Variants in NKAIN3 observed in about 807,000 individuals in gnomAD.
NKAIN3 encodes sodium/potassium transporting ATPase interacting 3, also known as sodium/potassium-transporting ATPase subunit beta-1-interacting protein 3.
Under a neutral mutation model 30.2 loss-of-function variants are expected in NKAIN3, and 25 were observed. The ratio of observed to expected loss-of-function variants is 0.83; its 90% CI spans 0.60 to 1.16. The LOEUF (loss-of-function observed/expected upper bound fraction) is 1.16. Among genes scored for constraint, NKAIN3 ranks in the 50% most tolerant of loss-of-function variants. NKAIN3 has a pLI of 0.00. For missense variants in NKAIN3, 225 were observed against 254.1 expected, an observed-to-expected ratio of 0.89 and a Z score of 0.78; for synonymous variants, 91 against 89.6, an observed-to-expected ratio of 1.02 and a Z score of -0.09.
intron 4 of NKAIN3, among the ~76,000 whole-genome samples, chr8:62,822,317 A>C (rs1383153): frequency 0.83 from 125,740 of 152,076 alleles, 52,518 homozygotes; most frequent in Non-Finnish European, 0.89. Context: ...AAATACAAAA[A>C]TTGAAAGCAG....
intron 1 of NKAIN3, among the ~76,000 whole-genome samples, chr8:62,287,418 T>A (rs1686766510): frequency 6.6e-6 from 1 of 152,026 alleles, no homozygotes; most frequent in African/African-American, 2.4e-5. Flanking sequence ...AACACAACAA[T>A]CTCTGAGCTT....
intron 1 of NKAIN3, among the ~76,000 whole-genome samples, chr8:62,295,871 A>G (rs1813811094): frequency 6.6e-6 from 1 of 152,208 alleles, no homozygotes; most frequent in South Asian, 2.1e-4. Flanking sequence ...TGTGCTGGGG[A>G]TATAGCAATG....
intron 3 of NKAIN3, among the ~76,000 whole-genome samples, chr8:62,668,701 T>C (rs1450831644): frequency 6.6e-6 from 1 of 152,206 alleles, no homozygotes; most frequent in East Asian, 1.9e-4. Context: ...CTGTGAAAGG[T>C]GAAGGAAAGA....
intron 4 of NKAIN3, among the ~76,000 whole-genome samples, chr8:62,783,410 C>A (rs1453862331): frequency 4.6e-5 from 7 of 152,080 alleles, no homozygotes; most frequent in Non-Finnish European, 8.8e-5. Context: ...ACTTTCCAGA[C>A]TCCAGAGCTG....
At chr8:62,290,955 G>T (rs912418538) in intron 1 of NKAIN3, among the ~76,000 whole-genome samples, 1 of 152,080 alleles carries the variant, frequency 6.6e-6, no homozygotes, top group African/African-American at 2.4e-5. Context: ...CTTCTTCCTG[G>T]TTTAGTCTTC....
At chr8:62,838,939 C>G (rs1165071303) in intron 4 of NKAIN3, among the ~76,000 whole-genome samples, 1 of 151,974 alleles carries the variant, frequency 6.6e-6, no homozygotes. Context: ...TAATACACAC[C>G]AGCGTCATCT....
intron 1 of NKAIN3, among the ~76,000 whole-genome samples, chr8:62,318,013 C>T (rs1351298902): frequency 6.6e-6 from 1 of 152,076 alleles, no homozygotes; most frequent in East Asian, 1.9e-4. Flanking sequence ...AGTTGGATTC[C>T]TAGGTATTTT....
chr8:62,850,790 T>G (rs62510774), intron 4 of NKAIN3, among the ~76,000 whole-genome samples: 1 of 151,970 alleles, frequency 6.6e-6, no homozygotes, highest in Admixed American at 6.6e-5. Context: ...ATTTCTGAGG[T>G]GTCTGTTCTG....
intron 1 of NKAIN3, among the ~76,000 whole-genome samples, chr8:62,449,688 GT>G (rs1186158732): frequency 6.6e-6 from 1 of 152,054 alleles, no homozygotes; most frequent in Non-Finnish European, 1.5e-5. Context: ...TAAAAGGTAT[GT>G]TTATGATTTA....
intron 1 of NKAIN3, among the ~76,000 whole-genome samples, chr8:62,556,484 C>CATAATA (rs1426350365): frequency 6.6e-6 from 1 of 151,538 alleles, no homozygotes; most frequent in Non-Finnish European, 1.5e-5. Context: ...TATATCACAA[C>CATAATA]TCAATAAATG....
chr8:62,523,003 C>T (rs1808202257), intron 1 of NKAIN3, among the ~76,000 whole-genome samples: 1 of 152,042 alleles, frequency 6.6e-6, no homozygotes, highest in Admixed American at 6.6e-5. Context: ...ATGTACTAGG[C>T]CTTCACATTC....
intron 4 of NKAIN3, among the ~76,000 whole-genome samples, chr8:62,844,311 G>A (rs922870445): frequency 3.3e-5 from 5 of 152,004 alleles, no homozygotes; most frequent in African/African-American, 7.2e-5. Context: ...AGGTTAAACC[G>A]GATAAAAAGT....
At chr8:62,375,567 G>A (rs1402961632) in intron 1 of NKAIN3, among the ~76,000 whole-genome samples, 1 of 152,078 alleles carries the variant, frequency 6.6e-6, no homozygotes, top group African/African-American at 2.4e-5. Flanking sequence ...TGATTCATAA[G>A]CGTAAATACT....
At chr8:62,936,376 G>A (rs1454156971) in intron 5 of NKAIN3, among the ~76,000 whole-genome samples, 2 of 152,064 alleles carry the variant, frequency 1.3e-5, no homozygotes, top group African/African-American at 4.8e-5. Flanking sequence ...TTAGCTGTCA[G>A]CACTCCGCAT....
intron 1 of NKAIN3, among the ~76,000 whole-genome samples, chr8:62,360,198 C>T (rs550950855): frequency 3.3e-5 from 5 of 152,330 alleles, no homozygotes; most frequent in Admixed American, 1.3e-4. Context: ...ATCCCTGGTT[C>T]TTCCTGTGAC....
intron 4 of NKAIN3, among the ~76,000 whole-genome samples, chr8:62,887,275 A>G (rs1311722368): frequency 2.0e-5 from 3 of 150,636 alleles, no homozygotes; most frequent in Non-Finnish European, 4.4e-5. Flanking sequence ...TTTTTTCCTT[A>G]TCTTTGATTT....
At chr8:62,434,510 T>C (rs1446613444) in intron 1 of NKAIN3, among the ~76,000 whole-genome samples, 1 of 152,124 alleles carries the variant, frequency 6.6e-6, no homozygotes, top group Non-Finnish European at 1.5e-5. Context: ...TTAAGATAAA[T>C]CAGGGTGTAA....
chr8:62,833,192 G>C (rs1819250984), intron 4 of NKAIN3, among the ~76,000 whole-genome samples: 1 of 152,072 alleles, frequency 6.6e-6, no homozygotes. Context: ...AGCAAAAGCA[G>C]TGTTAAGAGG....
chr8:62,936,771 A>G (rs769689609), intron 5 of NKAIN3, among the ~76,000 whole-genome samples: 2 of 152,094 alleles, frequency 1.3e-5, no homozygotes, highest in Non-Finnish European at 2.9e-5. Flanking sequence ...TCCTAATGTC[A>G]TATGTTTATT....
Sources: gnomAD v4.1 joint callset for allele counts (sites outside exome capture counted in the v4.1 genomes callset) on GRCh38, gnomAD v4.1.1 for gene constraint, MANE v1.5 for transcripts, NCBI Gene and HGNC (gene_info 2026-07-23, HGNC 2026-07-21) for gene names.